The following STAU2 variants were observed in gnomAD, a reference collection of about 807,000 sequenced individuals.
STAU2 encodes double-stranded RNA-binding protein Staufen homolog 2.
STAU2 carries 20 observed loss-of-function variants against 65.9 expected under a neutral mutation model. The observed-to-expected ratio is 0.30, with a 90% CI of 0.21 to 0.44. STAU2 has a LOEUF of 0.44. Ranked by LOEUF, STAU2 falls within the 20% of genes least tolerant of loss-of-function variation. The probability of loss-of-function intolerance (pLI) is 1.00; values close to 1 mark genes in which losing one functional copy is unlikely to be tolerated. For synonymous variants in STAU2, 232 were observed against 233.9 expected (o/e 0.99, Z 0.07); for missense variants, 558 against 683.9 (o/e 0.82, Z 2.05).
chr8:73,523,720 A>G (rs1823188633), intron 13 of STAU2, among the ~76,000 whole-genome samples: 1 of 152,134 alleles, frequency 6.6e-6, no homozygotes, highest in African/African-American at 2.4e-5. Context: ...ACCATCATGT[A>G]ACTGACAACA....
At chr8:73,742,081 G>T in intron 1 of STAU2, 1 of 375,830 alleles carries the variant, frequency 2.7e-6, no homozygotes, top group Non-Finnish European at 3.7e-6. Flanking sequence ...ATTATACCAT[G>T]GACAATTCAG....
chr8:73,434,038 C>T (rs1389019862), intron 13 of STAU2, among the ~76,000 whole-genome samples: 7 of 151,788 alleles, frequency 4.6e-5, no homozygotes, highest in African/African-American at 1.5e-4. Flanking sequence ...TGAATGGTGA[C>T]GTGGGAAGGT....
Position 73,617,453 on chromosome 8 carries a change from TA to T in STAU2, c.411-3del, listed in dbSNP as rs766376470. ...ATCTTAGGCACTGGGCAATGATACC[TA>T]AAATAAGAAAATAAAAACATTAAAG... is the stretch of plus-strand genomic sequence containing the variant. On this transcript the variant is annotated splice_polypyrimidine_tract_variant and splice_region_variant and intron_variant, in intron 6 of 14. Transcript: ENST00000524300. The T allele has an allele frequency of 1.9e-6, 3 of 1,610,372 alleles. No homozygotes were observed. The African/African-American group carries it at 4.0e-5, about 22-fold the overall frequency.
At chr8:73,423,538 C>T (rs1816564527) in intron 13 of STAU2, among the ~76,000 whole-genome samples, 1 of 152,152 alleles carries the variant, frequency 6.6e-6, no homozygotes, top group African/African-American at 2.4e-5. Flanking sequence ...TGGGCATGAG[C>T]AGGCAGGGCT....
At chr8:73,709,855 T>G (rs1418174856) in intron 3 of STAU2, among the ~76,000 whole-genome samples, 2 of 152,120 alleles carry the variant, frequency 1.3e-5, no homozygotes, top group African/African-American at 2.4e-5. Context: ...AGTATTGATG[T>G]ATGTGGTTCT....
At chr8:73,519,238 T>C (rs948025507) in intron 13 of STAU2, among the ~76,000 whole-genome samples, 1 of 152,134 alleles carries the variant, frequency 6.6e-6, no homozygotes, top group Non-Finnish European at 1.5e-5. Context: ...CAGTGACCCC[T>C]AGGATGAAGA....
intron 13 of STAU2, among the ~76,000 whole-genome samples, chr8:73,481,520 A>AC (rs755363509): frequency 5.6e-5 from 8 of 141,708 alleles, no homozygotes; most frequent in Middle Eastern, 3.6e-3. Context: ...AAAAAACAAA[A>AC]AAAAAAAACA....
At chr8:73,567,353 C>T (rs1261267180) in intron 12 of STAU2, among the ~76,000 whole-genome samples, 3 of 152,026 alleles carry the variant, frequency 2.0e-5, no homozygotes, top group South Asian at 2.1e-4. Context: ...ACTAAAAATA[C>T]AAAATTAGCC....
At chr8:73,546,658 T>C (rs1806961866) in intron 13 of STAU2, among the ~76,000 whole-genome samples, 1 of 152,208 alleles carries the variant, frequency 6.6e-6, no homozygotes, top group Non-Finnish European at 1.5e-5. Flanking sequence ...CACATACTGT[T>C]CTTTCTTAAG....
intron 13 of STAU2, among the ~76,000 whole-genome samples, chr8:73,447,801 C>A (rs748254686): frequency 6.6e-6 from 1 of 152,142 alleles, no homozygotes; most frequent in Non-Finnish European, 1.5e-5. Context: ...TTTTCCTCCC[C>A]CCTCTGGGTG....
intron 13 of STAU2, among the ~76,000 whole-genome samples, chr8:73,431,235 C>T (rs927844827): frequency 1.4e-4 from 21 of 152,160 alleles, no homozygotes; most frequent in African/African-American, 3.6e-4. Context: ...ATTTCATTTC[C>T]CAGCTCAGAA....
intron 6 of STAU2, among the ~76,000 whole-genome samples, chr8:73,639,184 T>C (rs1192782728): frequency 2.0e-5 from 3 of 152,132 alleles, no homozygotes; most frequent in Non-Finnish European, 2.9e-5. Context: ...ATTTTTTCTA[T>C]GATACATTAA....
chr8:73,488,515 G>A (rs1585861422), intron 13 of STAU2, among the ~76,000 whole-genome samples: 1 of 151,934 alleles, frequency 6.6e-6, no homozygotes, highest in Non-Finnish European at 1.5e-5. Flanking sequence ...AAATCACCTT[G>A]AGGTTACCCT....
At chr8:73,429,346 C>T (rs1817076682) in intron 13 of STAU2, among the ~76,000 whole-genome samples, 1 of 141,128 alleles carries the variant, frequency 7.1e-6, no homozygotes, top group Admixed American at 7.2e-5. Context: ...CAGTAACCTA[C>T]TTAAGGTCAC....
chr8:73,543,383 A>G (rs1806679558), intron 13 of STAU2, among the ~76,000 whole-genome samples: 1 of 152,224 alleles, frequency 6.6e-6, no homozygotes, highest in Non-Finnish European at 1.5e-5. Flanking sequence ...CAAACTGTAC[A>G]ATATGGGTGT....
chr8:73,608,351 T>C (rs1812185373), intron 9 of STAU2, among the ~76,000 whole-genome samples: 1 of 152,140 alleles, frequency 6.6e-6, no homozygotes, highest in Admixed American at 6.5e-5. Flanking sequence ...CTCACTCCTG[T>C]AATCCCAGCA....
At chr8:73,582,447 T>C (rs982447863) in intron 12 of STAU2, among the ~76,000 whole-genome samples, 5 of 150,100 alleles carry the variant, frequency 3.3e-5, no homozygotes, top group African/African-American at 1.2e-4. Context: ...ATTATTTTTA[T>C]ATTATTTAAA....
At chr8:73,728,770 T>C (rs1444605433) in intron 3 of STAU2, among the ~76,000 whole-genome samples, 2 of 152,238 alleles carry the variant, frequency 1.3e-5, no homozygotes, top group Non-Finnish European at 2.9e-5. Flanking sequence ...GTGTGTTACC[T>C]TGTACCTACA....
intron 6 of STAU2, among the ~76,000 whole-genome samples, chr8:73,635,154 TG>T (rs567594613): frequency 8.7e-4 from 132 of 152,318 alleles, no homozygotes; most frequent in African/African-American, 3.1e-3. Context: ...AATCACACAG[TG>T]GGATACTAAA....
Sources: gnomAD v4.1 joint callset for allele counts (sites outside exome capture counted in the v4.1 genomes callset) on GRCh38, gnomAD v4.1.1 for gene constraint, MANE v1.5 for transcripts, NCBI Gene and HGNC (gene_info 2026-07-23, HGNC 2026-07-21) for gene names.